CTNNA3: variants seen among roughly 807,000 people sequenced by gnomAD.
CTNNA3 encodes catenin alpha 3.
In CTNNA3, 76 loss-of-function variants were observed where a neutral mutation model predicts 95.7. That is an observed-to-expected ratio of 0.79 (90% CI 0.66 to 0.96). The LOEUF (loss-of-function observed/expected upper bound fraction) is 0.96, where lower values mean the gene tolerates loss of function less well. CTNNA3 is among the 40% of genes least tolerant of loss of function. CTNNA3 has a pLI of 0.00. For missense variants in CTNNA3, 1,191 were observed against 1,089.8 expected (o/e 1.09, Z -1.31); for synonymous variants, 431 against 374.4 (o/e 1.15, Z -1.74).
chr10:66,431,561 CA>C (rs1483387804), intron 11 of CTNNA3, among the ~76,000 whole-genome samples: 1 of 151,988 alleles, frequency 6.6e-6, no homozygotes, highest in African/African-American at 2.4e-5. Context: ...GAATACTATG[CA>C]GCCATAAAAA....
chr10:66,239,056 A>C (rs1385225192), intron 13 of CTNNA3, among the ~76,000 whole-genome samples: 2 of 151,822 alleles, frequency 1.3e-5, no homozygotes, highest in African/African-American at 4.8e-5. Flanking sequence ...AGAAGTATAT[A>C]ATATGGTCCA....
intron 7 of CTNNA3, among the ~76,000 whole-genome samples, chr10:66,834,805 T>C (rs1352050442): frequency 6.6e-6 from 1 of 152,202 alleles, no homozygotes; most frequent in East Asian, 1.9e-4. Flanking sequence ...CTAAACACTT[T>C]AAACTGTGCT....
At chr10:67,684,738 C>A (rs1305928997) in intron 1 of CTNNA3, among the ~76,000 whole-genome samples, 1 of 152,176 alleles carries the variant, frequency 6.6e-6, no homozygotes, top group Non-Finnish European at 1.5e-5. Flanking sequence ...GTAAGACCAT[C>A]TGTAACTTGA....
At chr10:66,082,902 T>C (rs1257894683) in intron 14 of CTNNA3, among the ~76,000 whole-genome samples, 1 of 152,012 alleles carries the variant, frequency 6.6e-6, no homozygotes, top group East Asian at 1.9e-4. Flanking sequence ...AGCAAAATAC[T>C]GCATATTTTC....
chr10:67,002,594 A>T (rs1261734384), intron 7 of CTNNA3, among the ~76,000 whole-genome samples: 1 of 152,168 alleles, frequency 6.6e-6, no homozygotes, highest in Non-Finnish European at 1.5e-5. Flanking sequence ...CAATGAACAC[A>T]GGTAAATTAT....
intron 7 of CTNNA3, among the ~76,000 whole-genome samples, chr10:67,080,684 C>A (rs866159033): frequency 6.6e-6 from 1 of 151,560 alleles, no homozygotes; most frequent in African/African-American, 2.4e-5. Context: ...CTGAGGCGGG[C>A]GGATCACGAG....
intron 11 of CTNNA3, among the ~76,000 whole-genome samples, chr10:66,442,934 T>G (rs1023757444): frequency 1.3e-5 from 2 of 152,102 alleles, no homozygotes; most frequent in Non-Finnish European, 2.9e-5. Flanking sequence ...AGACGTCACG[T>G]GGAAAATCAG....
At chr10:66,698,667 T>C (rs899671230) in intron 9 of CTNNA3, among the ~76,000 whole-genome samples, 1 of 152,130 alleles carries the variant, frequency 6.6e-6, no homozygotes, top group Non-Finnish European at 1.5e-5. Flanking sequence ...TATGACAAAA[T>C]GAAATCCTGA....
intron 7 of CTNNA3, among the ~76,000 whole-genome samples, chr10:66,913,737 C>T (rs1183126688): frequency 6.6e-6 from 1 of 152,150 alleles, no homozygotes; most frequent in African/African-American, 2.4e-5. Flanking sequence ...GACTGATCTT[C>T]ATAGAGCGAG....
chr10:66,478,617 C>G (rs1589306065), intron 11 of CTNNA3, among the ~76,000 whole-genome samples: 1 of 151,280 alleles, frequency 6.6e-6, no homozygotes, highest in Non-Finnish European at 1.5e-5. Context: ...GCTTTTAATC[C>G]TTTAGATCAT....
intron 12 of CTNNA3, among the ~76,000 whole-genome samples, chr10:66,371,254 C>T (rs886527016): frequency 5.3e-5 from 8 of 152,074 alleles, no homozygotes; most frequent in South Asian, 2.1e-4. Context: ...GAAGGGTAAA[C>T]GTTCCCCCTT....
At chr10:67,731,800 CAAAA>C (rs199645393) in intron 1 of CTNNA3, among the ~76,000 whole-genome samples, 1 of 103,568 alleles carries the variant, frequency 9.7e-6, no homozygotes. Flanking sequence ...GACTCCGTCT[CAAAA>C]AAAAAAAAAA....
At chr10:67,120,884 C>A (rs1483404874) in intron 7 of CTNNA3, among the ~76,000 whole-genome samples, 1 of 152,016 alleles carries the variant, frequency 6.6e-6, no homozygotes, top group Non-Finnish European at 1.5e-5. Flanking sequence ...AGGTGAGTTG[C>A]AATATTGTAC....
intron 3 of CTNNA3, among the ~76,000 whole-genome samples, chr10:67,546,852 C>T (rs1474313052): frequency 6.6e-6 from 1 of 152,058 alleles, no homozygotes; most frequent in Non-Finnish European, 1.5e-5. Context: ...ATGTAGTAAG[C>T]TTAGCCATGA....
intron 2 of CTNNA3, among the ~76,000 whole-genome samples, chr10:67,617,952 G>A (rs947045024): frequency 3.3e-5 from 5 of 151,886 alleles, no homozygotes; most frequent in African/African-American, 1.2e-4. Context: ...AAAATGTAAT[G>A]TTAATCATAT....
At chr10:66,487,928 A>G (rs74631351) in intron 11 of CTNNA3, among the ~76,000 whole-genome samples, 2,573 of 152,280 alleles carry the variant, frequency 0.017, 66 homozygotes, top group African/African-American at 0.058. Context: ...ACATTTTACC[A>G]GGAATTAGCA....
intron 9 of CTNNA3, among the ~76,000 whole-genome samples, chr10:66,652,049 T>C (rs1291517242): frequency 9.3e-6 from 1 of 107,948 alleles, no homozygotes; most frequent in African/African-American, 3.3e-5. Flanking sequence ...TAGACACCCA[T>C]AATAAAAAGG....
chr10:66,990,982 T>C (rs531693326), intron 7 of CTNNA3, among the ~76,000 whole-genome samples: 2 of 152,304 alleles, frequency 1.3e-5, no homozygotes, highest in African/African-American at 4.8e-5. Flanking sequence ...CATGATGGCA[T>C]GTATTGAACA....
At chr10:67,468,207 G>A (rs2133017716) in intron 5 of CTNNA3, among the ~76,000 whole-genome samples, 1 of 151,810 alleles carries the variant, frequency 6.6e-6, no homozygotes, top group East Asian at 1.9e-4. Context: ...ATAGGCCCCA[G>A]TATGTGTTGT....
Sources: allele counts gnomAD v4.1 joint callset (sites outside exome capture counted in the v4.1 genomes callset), GRCh38; gene constraint gnomAD v4.1.1; transcripts MANE v1.5; gene names NCBI Gene and HGNC (gene_info 2026-07-23, HGNC 2026-07-21).